CPEB4: variants seen among roughly 807,000 people sequenced by gnomAD.
CPEB4 encodes the protein cytoplasmic polyadenylation element binding protein 4.
Under a neutral mutation model 72.5 loss-of-function variants are expected in CPEB4, and 12 were observed. The ratio of observed to expected loss-of-function variants is 0.17; its 90% confidence interval spans 0.11 to 0.27. The LOEUF is 0.27. Among genes scored for constraint, CPEB4 ranks in the 10% least tolerant of loss-of-function variants. The pLI, the probability that CPEB4 is intolerant of heterozygous loss-of-function variation, is 1.00. For missense variants in CPEB4, 614 were observed against 908.5 expected, an observed-to-expected ratio of 0.68 and a Z score of 4.17; for synonymous variants, 302 against 326.3, an observed-to-expected ratio of 0.93 and a Z score of 0.80.
At position 173,889,862 on chromosome 5, in the gene CPEB4, T is replaced by C; in HGVS notation, c.129T>C (p.Ala43=). Residue 43 remains alanine, a synonymous_variant, in exon 1 of 10, where the codon GCT becomes GCC. Coordinates refer to ENST00000265085, the MANE Select transcript of CPEB4 (RefSeq NM_030627.4). ...AAAATGCCACCCCCAGCCCTGCTGC[T>C]TTTATAAATAATAACACAGCTGCCA... ...HHQNATPSPA[A]FINNNTAANG... 1.9e-6 allele frequency: 3 copies of C among 1,614,212 alleles called. No individual in the cohort carries two copies. Among genetic ancestry groups the C allele is most frequent in the Non-Finnish European group, 2.5e-6 (3 of 1,180,028 alleles).
At position 173,889,926 on chromosome 5, in the gene CPEB4, C is replaced by T. The variant is rs771070715; in HGVS notation, c.193C>T (p.Pro65Ser). ...SAGSAWLFPA[P>S]ATHNIQDEIL... The stretch of plus-strand genomic sequence containing the variant: ...TGGGTCAGCTTGGCTTTTTCCTGCT[C>T]CAGCTACCCATAACATTCAGGATGA... The change falls in exon 1 of 10, where the codon CCA becomes TCA. Residue 65 changes from proline (P) to serine (S), a missense_variant. By Grantham distance (74) the Pro-to-Ser change is moderately conservative. Coordinates refer to ENST00000265085, the MANE Select transcript of CPEB4 (RefSeq NM_030627.4). 1.2e-5 allele frequency: 19 copies of T among 1,614,004 alleles called. No individual in the cohort carries two copies. Among genetic ancestry groups the T allele is most frequent in the African/African-American group, 5.3e-5 (4 of 74,886 alleles).
intron 2 of CPEB4, among the ~76,000 whole-genome samples, chr5:173,916,158 C>T (rs998435538): frequency 2.0e-5 from 3 of 152,138 alleles, no homozygotes; most frequent in Admixed American, 1.3e-4. Flanking sequence ...ACTGTCAAAA[C>T]ATTATAGTTG....
rs565114254 is a variant in CPEB4 at position 173,941,827 on chromosome 5, G to A, written c.1259-1199G>A. 2.9e-3 allele frequency among the ~76,000 whole-genome samples: 445 copies of A among 152,300 alleles called. 1 individual carries two copies. Among genetic ancestry groups the A allele is most frequent in the Non-Finnish European group, 5.3e-3 (359 of 68,028 alleles). ...CGGGAGGCGGAGGCCGCAGTGAGCT[G>A]AGATTGCACCACTCCAGCCTGGGTG... On this transcript the variant is annotated intron_variant, in intron 3 of 9. Coordinates refer to ENST00000265085, the MANE Select transcript of CPEB4 (RefSeq NM_030627.4).
At chr5:173,901,472 C>T (rs1324342787) in intron 1 of CPEB4, among the ~76,000 whole-genome samples, 1 of 152,174 alleles carries the variant, frequency 6.6e-6, no homozygotes, top group Non-Finnish European at 1.5e-5. Context: ...CAGATAATTA[C>T]CACTTTAACT....
At chr5:173,949,682 G>A in intron 6 of CPEB4, 85 bp downstream of exon 6, 2 of 925,312 alleles carry the variant, frequency 2.2e-6, no homozygotes, top group South Asian at 3.1e-5. Flanking sequence ...CACCTTCACT[G>A]TAAAATGTTG....
At chr5:173,921,984 G>C (rs1189131124) in intron 2 of CPEB4, among the ~76,000 whole-genome samples, 1 of 152,098 alleles carries the variant, frequency 6.6e-6, no homozygotes, top group Non-Finnish European at 1.5e-5. Flanking sequence ...TGAGTTTTGT[G>C]GTCTTCATTT....
chr5:173,890,907 G>GGT, intron 1 of CPEB4, 49 bp downstream of exon 1: 8 of 1,529,938 alleles, frequency 5.2e-6, no homozygotes, highest in Non-Finnish European at 6.2e-6. Context: ...GAAATAGCAT[G>GGT]GTGTAATATC....
At chr5:173,942,418 T>C (rs1757878994) in intron 3 of CPEB4, among the ~76,000 whole-genome samples, 1 of 152,254 alleles carries the variant, frequency 6.6e-6, no homozygotes. Context: ...GCCCCTTGGC[T>C]ACAACCTACT....
intron 2 of CPEB4, among the ~76,000 whole-genome samples, chr5:173,915,292 A>G (rs1366208508): frequency 6.6e-6 from 1 of 151,994 alleles, no homozygotes; most frequent in Non-Finnish European, 1.5e-5. Context: ...CATAATTCGT[A>G]TTAGGTTTTT....
chr5:173,906,303 C>G (rs535272927), intron 1 of CPEB4, among the ~76,000 whole-genome samples: 2 of 152,278 alleles, frequency 1.3e-5, no homozygotes, highest in African/African-American at 4.8e-5. Context: ...CCTAATGGTA[C>G]AGACACATTT....
Position 173,889,857 on chromosome 5 carries a change from G to A in CPEB4, c.124G>A (p.Ala42Thr), listed in dbSNP as rs756841301. 6.2e-7 allele frequency: 1 copy of A among 1,614,156 alleles called. No homozygotes were observed. Among genetic ancestry groups the A allele is most frequent in the Non-Finnish European group, 8.5e-7 (1 of 1,180,028 alleles). ...HHHQNATPSPAAFINNNTAAN... is the reference protein window; with the variant it reads ...HHHQNATPSPTAFINNNTAAN... ...TCACCAAAATGCCACCCCCAGCCCT[G>A]CTGCTTTTATAAATAATAACACAGC... The change falls in exon 1 of 10, where the codon GCT (alanine) becomes ACT (threonine). Residue 42 changes from alanine (A) to threonine (T), a missense_variant. Physicochemically the swap from Ala to Thr is moderately conservative, Grantham distance 58. Around this residue, in one of 5 missense-constraint regions of CPEB4, gnomAD observed 458 missense variants for 548.6 expected, o/e 0.83. Transcript: ENST00000265085.
At chr5:173,940,106 TAAAAA>T (rs1424085022) in intron 3 of CPEB4, among the ~76,000 whole-genome samples, 1 of 151,864 alleles carries the variant, frequency 6.6e-6, no homozygotes, top group East Asian at 1.9e-4. Context: ...TCTCCAAAAA[TAAAAA>T]TAAAATAAAT....
intron 4 of CPEB4, among the ~76,000 whole-genome samples, chr5:173,944,591 C>A (rs554798275): frequency 6.6e-6 from 1 of 152,116 alleles, no homozygotes; most frequent in East Asian, 1.9e-4. Context: ...TGTCTTACAG[C>A]CAAATTTAAT....
chr5:173,955,283 T>C lies in CPEB4; in HGVS notation c.1963-627T>C, dbSNP rs992329922. ...CTGACTTTTAGACTCAGGTGAACCA[T>C]TCTTACTGAGAAAGAACAAAGCAGG... On this transcript the variant is annotated intron_variant, in intron 9 of 9. Coordinates refer to ENST00000265085, the MANE Select transcript of CPEB4 (RefSeq NM_030627.4). The surrounding 1 kb of genome is among the most constrained non-coding windows in gnomAD (Gnocchi z 4.7). 6.6e-6 allele frequency among the ~76,000 whole-genome samples: 1 copy of C among 152,188 alleles called. No homozygotes were observed. The highest frequency in any genetic ancestry group is 6.5e-5 in the Admixed American group (1 of 15,280).
intron 2 of CPEB4, among the ~76,000 whole-genome samples, chr5:173,931,815 T>C (rs1329240987): frequency 6.6e-6 from 1 of 152,228 alleles, no homozygotes; most frequent in African/African-American, 2.4e-5. Context: ...TTTTAGTACC[T>C]TCACAAATTC....
At chr5:173,953,659 T>C (rs1758282317) in intron 9 of CPEB4, among the ~76,000 whole-genome samples, 1 of 152,228 alleles carries the variant, frequency 6.6e-6, no homozygotes, top group African/African-American at 2.4e-5. Context: ...TTGTTTGTTT[T>C]TTAATCCTGG....
At chr5:173,954,251 C>T (rs1282807445) in intron 9 of CPEB4, among the ~76,000 whole-genome samples, 1 of 152,152 alleles carries the variant, frequency 6.6e-6, no homozygotes, top group African/African-American at 2.4e-5. Context: ...GTACAGTCTA[C>T]TTCACTGGCA....
At chr5:173,943,760 A>G (rs1757926443) in intron 4 of CPEB4, among the ~76,000 whole-genome samples, 2 of 152,188 alleles carry the variant, frequency 1.3e-5, no homozygotes, top group Admixed American at 6.5e-5. Context: ...GACATATGCT[A>G]TTATAGGATA....
intron 2 of CPEB4, among the ~76,000 whole-genome samples, chr5:173,914,272 T>C (rs1756783039): frequency 6.6e-6 from 1 of 152,244 alleles, no homozygotes; most frequent in Non-Finnish European, 1.5e-5. Context: ...AGGAATACTA[T>C]GCTTGATTTT....
Sources: gnomAD v4.1 joint callset for allele counts (sites outside exome capture counted in the v4.1 genomes callset) on GRCh38, gnomAD v4.1.1 for gene constraint, gnomAD v4.1.1 regional missense constraint, Gnocchi (gnomAD v3.1) non-coding constraint, MANE v1.5 for transcripts, NCBI Gene and HGNC (gene_info 2026-07-23, HGNC 2026-07-21) for gene names.